Variants in DGKG observed in about 807,000 individuals in gnomAD.
The protein encoded by DGKG is DAG kinase gamma.
Under a neutral mutation model 105.3 loss-of-function variants are expected in DGKG, and 78 were observed. The ratio of observed to expected loss-of-function variants is 0.74; its 90% CI spans 0.62 to 0.89. The LOEUF is 0.89. Ranked by LOEUF, DGKG falls within the 40% of genes least tolerant of loss-of-function variation. The probability of loss-of-function intolerance (pLI) is 0.00; values close to 1 mark genes in which losing one functional copy is unlikely to be tolerated. For synonymous variants in DGKG, 346 were observed against 367.1 expected (o/e 0.94, Z 0.66); for missense variants, 958 against 1,020.1 (o/e 0.94, Z 0.83).
At chr3:186,341,451 A>C (rs983926764) in intron 1 of DGKG, among the ~76,000 whole-genome samples, 1 of 152,246 alleles carries the variant, frequency 6.6e-6, no homozygotes, top group Non-Finnish European at 1.5e-5. Flanking sequence ...GTTCAAGACC[A>C]ACCTGGGCAA....
intron 22 of DGKG, among the ~76,000 whole-genome samples, chr3:186,179,273 T>C (rs1717245517): frequency 6.6e-6 from 1 of 152,156 alleles, no homozygotes; most frequent in South Asian, 2.1e-4. Flanking sequence ...CCTATGGTGG[T>C]TTTCATGCTA....
intron 21 of DGKG, among the ~76,000 whole-genome samples, chr3:186,191,660 C>A (rs1005270875): frequency 6.6e-6 from 1 of 152,212 alleles, no homozygotes; most frequent in Admixed American, 6.5e-5. Context: ...TTTCTATGTT[C>A]TTTTTCACTT....
intron 22 of DGKG, among the ~76,000 whole-genome samples, chr3:186,165,654 A>G (rs573761409): frequency 6.6e-6 from 1 of 152,352 alleles, no homozygotes; most frequent in South Asian, 2.1e-4. Context: ...AGGGGCAGGA[A>G]GTAGGAGGCT....
At chr3:186,178,585 T>C (rs1464511000) in intron 22 of DGKG, among the ~76,000 whole-genome samples, 1 of 152,188 alleles carries the variant, frequency 6.6e-6, no homozygotes, top group Non-Finnish European at 1.5e-5. Flanking sequence ...TGAGCAAGTT[T>C]TTCCTCTGCA....
chr3:186,272,049 C>A (rs1048991611), intron 11 of DGKG, among the ~76,000 whole-genome samples: 1 of 152,126 alleles, frequency 6.6e-6, no homozygotes, highest in Non-Finnish European at 1.5e-5. Flanking sequence ...ACCTGTGTAC[C>A]CCCTAGCATG....
chr3:186,341,593 C>A (rs34323411), intron 1 of DGKG, among the ~76,000 whole-genome samples: 33,684 of 152,156 alleles, frequency 0.22, 3,864 homozygotes, highest in Middle Eastern at 0.33. Context: ...GTGACACGTA[C>A]ACATATGTAT....
chr3:186,165,644 A>T (rs1716505561), intron 22 of DGKG, among the ~76,000 whole-genome samples: 1 of 152,178 alleles, frequency 6.6e-6, no homozygotes, highest in African/African-American at 2.4e-5. Flanking sequence ...GTAGAAAAGG[A>T]GGGGCAGGAA....
At chr3:186,313,331 G>T (rs191598649) in intron 2 of DGKG, 1 of 174,258 alleles carries the variant, frequency 5.7e-6, no homozygotes, top group Admixed American at 6.5e-5. Context: ...AATAAGAAAA[G>T]ACTTTATATA....
intron 17 of DGKG, among the ~76,000 whole-genome samples, chr3:186,256,533 C>T (rs1265580348): frequency 2.0e-5 from 3 of 152,224 alleles, no homozygotes; most frequent in African/African-American, 4.8e-5. Flanking sequence ...CTGATCTCCC[C>T]GCTTCTGCCC....
At chr3:186,192,154 G>A (rs1415279934) in intron 21 of DGKG, among the ~76,000 whole-genome samples, 1 of 152,128 alleles carries the variant, frequency 6.6e-6, no homozygotes, top group African/African-American at 2.4e-5. Context: ...GATTACAGGT[G>A]CCTGTCACCA....
intron 10 of DGKG, among the ~76,000 whole-genome samples, chr3:186,274,234 C>G (rs1722469281): frequency 6.6e-6 from 1 of 152,182 alleles, no homozygotes; most frequent in Admixed American, 6.5e-5. Context: ...GTCATCCAAG[C>G]TGGAGTGCAG....
At chr3:186,272,645 G>T (rs1265165014) in intron 10 of DGKG, among the ~76,000 whole-genome samples, 1 of 152,196 alleles carries the variant, frequency 6.6e-6, no homozygotes, top group Non-Finnish European at 1.5e-5. Flanking sequence ...GGGAGTGTGC[G>T]GCATCATCCT....
At chr3:186,330,545 A>C (rs145602107) in intron 1 of DGKG, among the ~76,000 whole-genome samples, 3 of 152,218 alleles carry the variant, frequency 2.0e-5, no homozygotes, top group Non-Finnish European at 4.4e-5. Context: ...TCCTAAGGGC[A>C]CTGAACTGCC....
chr3:186,272,123 T>C, intron 11 of DGKG, 132 bp downstream of exon 11: 1 of 691,760 alleles, frequency 1.4e-6, no homozygotes, highest in East Asian at 2.6e-5. Flanking sequence ...CGGGATGGTT[T>C]ACAGGTGGTC....
At chr3:186,269,646 T>C (rs1722223047) in intron 11 of DGKG, among the ~76,000 whole-genome samples, 1 of 152,198 alleles carries the variant, frequency 6.6e-6, no homozygotes, top group African/African-American at 2.4e-5. Context: ...ATGATTAATA[T>C]GTTTTAAAGC....
chr3:186,259,187 T>G (rs6444118), intron 16 of DGKG, among the ~76,000 whole-genome samples: 14,641 of 152,252 alleles, frequency 0.096, 749 homozygotes, highest in Non-Finnish European at 0.11. Flanking sequence ...GACATGCGCA[T>G]GAGAGACCCT....
intron 21 of DGKG, among the ~76,000 whole-genome samples, chr3:186,207,678 A>G (rs1177225399): frequency 6.6e-6 from 1 of 151,240 alleles, no homozygotes; most frequent in East Asian, 2.0e-4. Flanking sequence ...AGCACAGACC[A>G]GGGCTCACTG....
chr3:186,165,493 A>C (rs62288978), intron 22 of DGKG, among the ~76,000 whole-genome samples: 12,616 of 152,264 alleles, frequency 0.083, 682 homozygotes, highest in Non-Finnish European at 0.12. Context: ...TTAACCTCAA[A>C]TTTGGCCTGT....
intron 21 of DGKG, among the ~76,000 whole-genome samples, chr3:186,202,293 G>T (rs1456634931): frequency 6.6e-6 from 1 of 152,220 alleles, no homozygotes; most frequent in Non-Finnish European, 1.5e-5. Flanking sequence ...CTTCTTTAAA[G>T]ATTCAGTTCT....
Sources: gnomAD v4.1 joint callset for allele counts (sites outside exome capture counted in the v4.1 genomes callset) on GRCh38, gnomAD v4.1.1 for gene constraint, MANE v1.5 for transcripts, NCBI Gene and HGNC (gene_info 2026-07-23, HGNC 2026-07-21) for gene names.